GPATCH2L: variants seen among roughly 807,000 people sequenced by gnomAD.
GPATCH2L encodes the protein G-patch domain containing 2 like, also known as G patch domain-containing protein 2-like.
GPATCH2L carries 31 observed loss-of-function variants against 57.4 expected under a neutral mutation model. The ratio of observed to expected loss-of-function variants is 0.54; its 90% CI spans 0.41 to 0.73. The LOEUF is 0.73. Ranked by LOEUF, GPATCH2L falls within the 30% of genes least tolerant of loss-of-function variation. GPATCH2L has a pLI of 0.00. For synonymous variants in GPATCH2L, 199 were observed against 210.7 expected, an observed-to-expected ratio of 0.94 and a Z score of 0.48; for missense variants, 481 against 599.9, an observed-to-expected ratio of 0.80 and a Z score of 2.07.
Position 76,154,296 on chromosome 14 carries a change from G to C in GPATCH2L, c.-10-58G>C, listed in dbSNP as rs1367750037. On this transcript the variant is annotated intron_variant, in intron 1 of 9. Transcript: ENST00000261530. The surrounding 1 kb of genome is among the most constrained non-coding windows in gnomAD (Gnocchi z 4.4). ...TCCAAAACAACAGATCCTTTTTCAG[G>C]CTTTCTTTTTCTTTTTCTTTTCTTT... is the stretch of plus-strand genomic sequence containing the variant. The C allele has an allele frequency of 7.3e-7, 1 of 1,373,034 alleles. No homozygotes were observed. The highest frequency in any genetic ancestry group is 1.4e-5 in the South Asian group (1 of 70,760). The allele number at this position is 1,373,034 out of a possible 1,614,324, so 85.1% of individuals were successfully genotyped here.
rs1232947220 is a variant in GPATCH2L, at chr14:76,208,974, T to C, written c.*7123T>C. On this transcript the variant is annotated 3_prime_UTR_variant, in exon 10 of 10. Coordinates refer to ENST00000261530, the MANE Select transcript of GPATCH2L (RefSeq NM_017926.4). Reference sequence around the variant, plus strand: ...TTCAGTCTTTAAAAAGAAATGTAGCTGAGGCTGAGAACCACCACTCTAAAA... The same window carrying C: ...TTCAGTCTTTAAAAAGAAATGTAGCCGAGGCTGAGAACCACCACTCTAAAA... The C allele has an allele frequency of 6.6e-6, 1 of 152,218 alleles. No individual in the cohort carries two copies. The highest frequency in any genetic ancestry group is 6.5e-5 in the Admixed American group (1 of 15,280). The allele number at this position is 152,218 out of a possible 1,614,324, so 9.4% of individuals were successfully genotyped here. A position where few individuals can be genotyped will look rare whatever the true frequency, so the allele number is the denominator to read the frequency against.
In GPATCH2L at chr14:76,208,816, A is replaced by G. The variant is rs1007343060; in HGVS notation, c.*6965A>G. ...TACTGCCCTTATCTGCACTCTGTCCATTCTGCAGTCTACCGAGGCAGTGGT... is the reference window on the plus strand; with the variant it reads ...TACTGCCCTTATCTGCACTCTGTCCGTTCTGCAGTCTACCGAGGCAGTGGT... On this transcript the variant is annotated 3_prime_UTR_variant, in exon 10 of 10. Coordinates refer to ENST00000261530, the MANE Select transcript of GPATCH2L (RefSeq NM_017926.4). The G allele has an allele frequency of 6.6e-6, 1 of 152,240 alleles. No homozygotes were observed. The highest frequency in any genetic ancestry group is 2.4e-5 in the African/African-American group (1 of 41,450). The allele number at this position is 152,240 out of a possible 1,614,324, so 9.4% of individuals were successfully genotyped here. A position where few individuals can be genotyped will look rare whatever the true frequency, so the allele number is the denominator to read the frequency against.
At chr14:76,232,228 T>C (rs557915483) in intron 2 of GPATCH2L, among the ~76,000 whole-genome samples, 3 of 152,316 alleles carry the variant, frequency 2.0e-5, no homozygotes, top group African/African-American at 7.2e-5. Flanking sequence ...TTAATATATA[T>C]TTTTATAAGT....
chr14:76,186,051 G>A (rs974041279), intron 8 of GPATCH2L, among the ~76,000 whole-genome samples: 1 of 152,112 alleles, frequency 6.6e-6, no homozygotes, highest in Non-Finnish European at 1.5e-5. Context: ...AATAATATAT[G>A]TAAATATTGA....
intron 1 of GPATCH2L, among the ~76,000 whole-genome samples, chr14:76,228,855 CT>C: frequency 6.6e-6 from 1 of 152,254 alleles, no homozygotes; most frequent in South Asian, 2.1e-4. Context: ...TTGATTTTCC[CT>C]TTGGGGGGCC....
intron 4 of GPATCH2L, among the ~76,000 whole-genome samples, chr14:76,173,233 G>A (rs2039167454): frequency 6.6e-6 from 1 of 151,994 alleles, no homozygotes; most frequent in South Asian, 2.1e-4. Flanking sequence ...TTTGTGTGGT[G>A]TTTTCAGTTT....
chr14:76,154,725 CACCTTGTCG>C lies in GPATCH2L; in HGVS notation c.366_374del (p.Cys123_Pro125del), dbSNP rs1328964553. The stretch of plus-strand genomic sequence containing the variant: ...GAATCTGACTCCTTTACTGAAAATG[CACCTTGTCG>C]ACCACTCAGGCGCAGGCGGAAGGTG... On this transcript the variant is annotated inframe_deletion, in exon 2 of 10. Coordinates refer to ENST00000261530, the MANE Select transcript of GPATCH2L (RefSeq NM_017926.4). The surrounding 1 kb of genome is among the most constrained non-coding windows in gnomAD (Gnocchi z 4.4). The C allele has an allele frequency of 6.8e-6, 11 of 1,614,198 alleles. No homozygotes were observed. Among genetic ancestry groups the C allele is most frequent in the Non-Finnish European group, 9.3e-6 (11 of 1,180,042 alleles).
At chr14:76,219,262 A>G (rs1480060143), downstream of GPATCH2L, among the ~76,000 whole-genome samples, 1 of 152,190 alleles carries the variant, frequency 6.6e-6, no homozygotes, top group Non-Finnish European at 1.5e-5. Context: ...AGGAAAACAC[A>G]TTAGCAATCC....
downstream of GPATCH2L, among the ~76,000 whole-genome samples, chr14:76,218,073 G>A (rs1391193429): frequency 1.3e-5 from 2 of 152,106 alleles, no homozygotes; most frequent in Non-Finnish European, 2.9e-5. Flanking sequence ...TTTCCTTAAT[G>A]TGATAAAATA....
chr14:76,231,249 C>T (rs192414088), intron 2 of GPATCH2L, among the ~76,000 whole-genome samples: 3 of 152,132 alleles, frequency 2.0e-5, no homozygotes, highest in Non-Finnish European at 4.4e-5. Context: ...TGGTACTGAC[C>T]GGGGAGTGAT....
At chr14:76,188,334 CA>C (rs2039847784) in intron 8 of GPATCH2L, among the ~76,000 whole-genome samples, 1 of 152,066 alleles carries the variant, frequency 6.6e-6, no homozygotes, top group South Asian at 2.1e-4. Context: ...ACATTCCCAC[CA>C]ACAGTGTACG....
In GPATCH2L at chr14:76,154,470, G is replaced by A. The variant is rs377527681; in HGVS notation, c.107G>A (p.Arg36Lys). The change falls in exon 2 of 10, where the codon AGG (arginine) becomes AAG (lysine). Residue 36 changes from arginine to lysine, a missense_variant. Arg to Lys is a conservative substitution (Grantham distance 26). Coordinates refer to ENST00000261530, the MANE Select transcript of GPATCH2L (RefSeq NM_017926.4). This position sits in a 1 kb window ranked among gnomAD's most constrained non-coding sequence, Gnocchi z 4.4. ...EEMALSPRQQ[R>K]RQLRKRRGRK... ...ATGGCGCTGAGCCCCCGACAGCAGA[G>A]GCGGCAGCTTCGGAAACGCCGAGGT... 3.3e-5 allele frequency: 54 copies of A among 1,614,094 alleles called. No homozygotes were observed. The highest frequency in any genetic ancestry group is 4.2e-5 in the Non-Finnish European group (50 of 1,180,062).
intron 2 of GPATCH2L, among the ~76,000 whole-genome samples, chr14:76,231,622 T>TACACACAC (rs60488808): frequency 0.07 from 10,345 of 147,372 alleles, 414 homozygotes; most frequent in South Asian, 0.081. Context: ...ACTAAACACA[T>TACACACAC]ACACACACAC....
chr14:76,184,023 G>GGGGTGT (rs1321748835), intron 8 of GPATCH2L, among the ~76,000 whole-genome samples: 16 of 5,922 alleles, frequency 2.7e-3, no homozygotes, highest in East Asian at 0.017. Flanking sequence ...TCATTAGCAT[G>GGGGTGT]GTGTGTGTGT....
At chr14:76,172,724 C>A (rs1343370871) in intron 4 of GPATCH2L, among the ~76,000 whole-genome samples, 2 of 152,128 alleles carry the variant, frequency 1.3e-5, no homozygotes, top group East Asian at 3.8e-4. Flanking sequence ...TCCCAGTAAC[C>A]CATAATCAAC....
chr14:76,153,282 G>C (rs1378969801), intron 1 of GPATCH2L, among the ~76,000 whole-genome samples: 4 of 152,340 alleles, frequency 2.6e-5, no homozygotes, highest in East Asian at 3.9e-4. Flanking sequence ...GGGCATAGAG[G>C]CAAGAGAAAA....
intron 2 of GPATCH2L, among the ~76,000 whole-genome samples, chr14:76,162,216 G>A (rs964948732): frequency 1.3e-5 from 2 of 152,184 alleles, no homozygotes; most frequent in Non-Finnish European, 2.9e-5. Flanking sequence ...TTGCTTCCAA[G>A]CTCACTCACA....
intron 2 of GPATCH2L, chr14:76,234,855 GT>G (rs2040590404): frequency 1.3e-5 from 2 of 152,200 alleles, no homozygotes; most frequent in African/African-American, 4.8e-5. Context: ...TAAGTTTGTG[GT>G]AGTTAAGCAG....
downstream of GPATCH2L, among the ~76,000 whole-genome samples, chr14:76,217,869 T>A (rs560765488): frequency 1.3e-5 from 2 of 152,222 alleles, no homozygotes; most frequent in South Asian, 4.1e-4. Flanking sequence ...ATTCTCATCA[T>A]CCCCATTTAA....
Sources: gnomAD v4.1 joint callset for allele counts (sites outside exome capture counted in the v4.1 genomes callset) on GRCh38, gnomAD v4.1.1 for gene constraint, Gnocchi (gnomAD v3.1) non-coding constraint, MANE v1.5 for transcripts, NCBI Gene and HGNC (gene_info 2026-07-23, HGNC 2026-07-21) for gene names.